Variants in PHF11 observed in about 807,000 individuals in gnomAD.
PHF11 encodes BRCA1 C-terminus-associated protein.
PHF11 carries 38 observed loss-of-function variants against 40.5 expected under a neutral mutation model. The ratio of observed to expected loss-of-function variants is 0.94; its 90% CI spans 0.72 to 1.23. PHF11 has a LOEUF of 1.23. Ranked by LOEUF, PHF11 falls within the 50% of genes most tolerant of loss-of-function variation. The pLI is 0.00. For synonymous variants in PHF11, 127 were observed against 138.2 expected (o/e 0.92, Z 0.57); for missense variants, 369 against 392.4 (o/e 0.94, Z 0.50).
chr13:49,523,550 C>T, intron 7 of PHF11: 2 of 367,600 alleles, frequency 5.4e-6, no homozygotes, highest in Non-Finnish European at 4.9e-6. Context: ...ACCCCTGTAA[C>T]TGTAGTTCTC....
At chr13:49,502,660 G>A (rs1194018025) in intron 1 of PHF11, among the ~76,000 whole-genome samples, 4 of 152,262 alleles carry the variant, frequency 2.6e-5, no homozygotes, top group Non-Finnish European at 4.4e-5. Context: ...TCTGCATTTC[G>A]TGTTCTTTCC....
At chr13:49,526,168 C>CAAAAA (rs10573458) in intron 8 of PHF11, 9 of 341,242 alleles carry the variant, frequency 2.6e-5, no homozygotes, top group South Asian at 6.5e-5. Flanking sequence ...GATTCTGTCT[C>CAAAAA]AAAAAAAAAA....
chr13:49,500,422 C>G (rs1958883882), intron 1 of PHF11, among the ~76,000 whole-genome samples: 1 of 152,152 alleles, frequency 6.6e-6, no homozygotes. Flanking sequence ...TGTATGTGGT[C>G]CATGAGTTTC....
intron 1 of PHF11, among the ~76,000 whole-genome samples, chr13:49,501,007 TTTTTTTTTGG>T (rs1274096139): frequency 4.9e-5 from 6 of 122,542 alleles, no homozygotes; most frequent in East Asian, 5.1e-4. Flanking sequence ...TTTGTTTTTT[TTTTTTTTTGG>T]TTTTTTTTTT....
intron 1 of PHF11, chr13:49,497,098 C>T: frequency 7.8e-7 from 1 of 1,287,184 alleles, no homozygotes; most frequent in Non-Finnish European, 1.0e-6. Context: ...GGGGTGTTCC[C>T]AGCAGAGAGG....
intron 1 of PHF11, among the ~76,000 whole-genome samples, chr13:49,504,592 G>T: frequency 9.1e-6 from 1 of 109,666 alleles, no homozygotes; most frequent in Admixed American, 1.0e-4. Context: ...GGAGGGAGGT[G>T]GGGGGTCAGC....
chr13:49,501,000 G>GTTTTTTTTTTTGTT (rs1958892588), intron 1 of PHF11, among the ~76,000 whole-genome samples: 1 of 51,310 alleles, frequency 1.9e-5, no homozygotes, highest in African/African-American at 9.1e-5. Flanking sequence ...ACCAACTTTT[G>GTTTTTTTTTTTGTT]TTTTTTTTTT....
intron 2 of PHF11, 90 bp from the exon 3 acceptor site, chr13:49,512,969 G>A: frequency 1.5e-6 from 1 of 682,400 alleles, no homozygotes. Context: ...CCCACTCCTG[G>A]TTTGATTTTC....
At chr13:49,520,070 CAG>C (rs533662558) in intron 4 of PHF11, among the ~76,000 whole-genome samples, 2 of 152,210 alleles carry the variant, frequency 1.3e-5, no homozygotes, top group South Asian at 4.1e-4. Context: ...TGTTTTAAGA[CAG>C]AGTCTTGCTC....
rs1054081582 is a variant in PHF11 at position 49,520,336 on chromosome 13, C to T, written c.459-558C>T. 9.2e-5 allele frequency among the ~76,000 whole-genome samples: 14 copies of T among 152,316 alleles called. 1 individual carries two copies. In the South Asian group the frequency reaches 1.2e-3, roughly 14 times the overall value. The stretch of plus-strand genomic sequence containing the variant: ...TGCTGGGATTACAGGCATGAGCCAC[C>T]GTGCCCGGCCTCACTTCATTTCTTC... On this transcript the variant is annotated intron_variant, in intron 4 of 9. Transcript: ENST00000378319.
intron 1 of PHF11, among the ~76,000 whole-genome samples, chr13:49,497,457 C>G (rs1339681382): frequency 1.3e-5 from 2 of 152,178 alleles, no homozygotes; most frequent in Admixed American, 6.5e-5. Context: ...CCGGACACCC[C>G]TTCTAATGCA....
At chr13:49,517,803 A>G (rs1008586995) in intron 3 of PHF11, among the ~76,000 whole-genome samples, 2 of 152,234 alleles carry the variant, frequency 1.3e-5, no homozygotes, top group African/African-American at 4.8e-5. Flanking sequence ...TGTCTGTCCA[A>G]GCATTCCGGT....
intron 3 of PHF11, among the ~76,000 whole-genome samples, chr13:49,515,561 C>T (rs1304083758): frequency 6.6e-6 from 1 of 151,806 alleles, no homozygotes; most frequent in Non-Finnish European, 1.5e-5. Flanking sequence ...TTGCCCAAGC[C>T]AGAAGTCTAA....
chr13:49,506,461 A>T (rs1034388697), intron 1 of PHF11, among the ~76,000 whole-genome samples, 174 bp from the exon 2 acceptor site: 33 of 152,290 alleles, frequency 2.2e-4, no homozygotes, highest in African/African-American at 7.7e-4. Context: ...TTAGCATAGT[A>T]AAAAATAAAA....
intron 5 of PHF11, chr13:49,521,375 G>A: frequency 3.0e-6 from 3 of 988,208 alleles, no homozygotes; most frequent in Non-Finnish European, 3.6e-6. Context: ...GAGTCATGGG[G>A]TATACTTTCA....
chr13:49,514,049 G>A (rs1431450510), intron 3 of PHF11, among the ~76,000 whole-genome samples: 1 of 152,124 alleles, frequency 6.6e-6, no homozygotes, highest in Non-Finnish European at 1.5e-5. Flanking sequence ...ACTAATCAGG[G>A]GTCAGCTCCT....
At position 49,528,740 on chromosome 13, in the gene PHF11, C is replaced by A; in HGVS notation, c.*75C>A. 2 of 1,065,080 alleles carry A rather than the reference C, an allele frequency of 1.9e-6. No homozygotes were observed. Among genetic ancestry groups the A allele is most frequent in the Non-Finnish European group, 1.4e-6 (1 of 723,722 alleles). 66.0% of individuals were successfully genotyped at this position (1,065,080 alleles called of 1,614,324 possible). Reference sequence around the variant, plus strand: ...AAAACCAGAGACCAGGCTGTGAAATCCACACATCTTTAGAACTAGTCGTCT... The same window carrying A: ...AAAACCAGAGACCAGGCTGTGAAATACACACATCTTTAGAACTAGTCGTCT... On this transcript the variant is annotated 3_prime_UTR_variant, in exon 10 of 10. Coordinates refer to ENST00000378319, the MANE Select transcript of PHF11 (RefSeq NM_001040443.3).
In PHF11 at chr13:49,497,514, CCTGA is replaced by C. The variant is rs367901022; in HGVS notation, c.94+1423_94+1426del. Among the ~76,000 whole-genome samples the C allele has an allele frequency of 4.6e-3, 698 of 152,300 alleles. 4 individuals are homozygous for C. Among genetic ancestry groups the C allele is most frequent in the African/African-American group, 0.016 (672 of 41,576 alleles). On this transcript the variant is annotated intron_variant, in intron 1 of 9. Transcript: ENST00000378319. ...GTGTTCAGCCTGACTGTATCTGGAG[CCTGA>C]CTGCTTCTCACCACTTCCATTACTG... is the stretch of plus-strand genomic sequence containing the variant.
rs184033266 is a variant in PHF11 at position 49,497,801 on chromosome 13, T to C, written c.94+1706T>C. ...CATCTTAATGACTCTGCTACCCTGC[T>C]ACCTTGTAGGTCCTCTAAGCCACCA... On this transcript the variant is annotated intron_variant, in intron 1 of 9. Transcript: ENST00000378319. Among the ~76,000 whole-genome samples, 257 of 152,332 alleles carry C rather than the reference T, an allele frequency of 1.7e-3. 2 individuals are homozygous for C. The highest frequency in any genetic ancestry group is 6.0e-3 in the African/African-American group (249 of 41,578).
Sources: gnomAD v4.1 joint callset for allele counts (sites outside exome capture counted in the v4.1 genomes callset) on GRCh38, gnomAD v4.1.1 for gene constraint, MANE v1.5 for transcripts, NCBI Gene and HGNC (gene_info 2026-07-23, HGNC 2026-07-21) for gene names.